Variants in CCDC141 observed in about 807,000 individuals in gnomAD.
CCDC141 encodes the protein coiled-coil domain containing 141, also known as coiled-coil domain-containing protein 141.
In CCDC141, 168 loss-of-function variants were observed where a neutral mutation model predicts 181.0. The observed-to-expected ratio is 0.93, with a 90% CI of 0.82 to 1.05. The LOEUF is 1.05. CCDC141 is among the 50% of genes least tolerant of loss of function. The probability of loss-of-function intolerance (pLI) is 0.00; values close to 1 mark genes in which losing one functional copy is unlikely to be tolerated. For synonymous variants in CCDC141, 666 were observed against 642.3 expected (o/e 1.04, Z -0.56); for missense variants, 1,902 against 1,788.5 (o/e 1.06, Z -1.14).
At chr2:178,840,822 T>C (rs1308392766) in intron 22 of CCDC141, among the ~76,000 whole-genome samples, 2 of 152,212 alleles carry the variant, frequency 1.3e-5, no homozygotes, top group Admixed American at 6.5e-5. Flanking sequence ...TTTTCACTTC[T>C]AACAATTCCT....
At chr2:178,891,547 C>T (rs1324624575) in intron 8 of CCDC141, among the ~76,000 whole-genome samples, 1 of 151,946 alleles carries the variant, frequency 6.6e-6, no homozygotes, top group Non-Finnish European at 1.5e-5. Context: ...GGCTGACAGG[C>T]TCCTTTGAAA....
chr2:178,855,503 G>A lies in CCDC141; in HGVS notation c.2904C>T (p.Thr968=), dbSNP rs774410520. ...KRKMEKVSNK[T]SDSFLNYPSD... The stretch of plus-strand genomic sequence containing the variant: ...TTGGATAATTTAAGAAAGAATCAGA[G>A]GTTTTATTACTAACTTTTTCCATTT... The change falls in exon 19 of 24, where the codon ACC becomes ACT. Residue 968 remains threonine, a synonymous_variant. Transcript: ENST00000443758. 1.3e-5 allele frequency: 21 copies of A among 1,598,284 alleles called. No individual in the cohort carries two copies. The highest frequency in any genetic ancestry group is 1.6e-5 in the Non-Finnish European group (19 of 1,174,734).
intron 2 of CCDC141, among the ~76,000 whole-genome samples, chr2:178,982,409 T>G (rs1243007938): frequency 6.6e-6 from 1 of 152,150 alleles, no homozygotes; most frequent in Non-Finnish European, 1.5e-5. Flanking sequence ...GGTGAAAGAC[T>G]TGTACATTGA....
At chr2:178,923,262 G>T (rs1312436040) in intron 6 of CCDC141, among the ~76,000 whole-genome samples, 1 of 151,350 alleles carries the variant, frequency 6.6e-6, no homozygotes, top group East Asian at 2.0e-4. Context: ...CCGCCACTAC[G>T]CCCGGCTAAT....
intron 7 of CCDC141, among the ~76,000 whole-genome samples, chr2:178,910,754 A>G (rs551267020): frequency 4.6e-5 from 7 of 152,368 alleles, no homozygotes; most frequent in Admixed American, 3.9e-4. Flanking sequence ...TGTCAAAGGC[A>G]GTTGCTGCTG....
chr2:178,904,896 A>T (rs1325480905), intron 8 of CCDC141, among the ~76,000 whole-genome samples: 2 of 152,170 alleles, frequency 1.3e-5, no homozygotes. Context: ...ATGGTGAGCC[A>T]CCAAGGTCAT....
Position 178,978,514 on chromosome 2 carries a change from C to A in CCDC141, c.387G>T (p.Leu129Phe). 6.6e-7 allele frequency: 1 copy of A among 1,508,528 alleles called. No individual in the cohort carries two copies. The highest frequency in any genetic ancestry group is 1.3e-5 in the South Asian group (1 of 77,848). 93.4% of individuals were successfully genotyped at this position (1,508,528 alleles called of 1,614,324 possible). Reference protein sequence around the residue: ...MLERRTELLRLTSEFFENALE... With the variant: ...MLERRTELLRFTSEFFENALE... ...AGGCATTTTCAAAAAATTCAGAAGT[C>A]AACCTAAGGAGCTCTGTTCTTCTTT... Residue 129 changes from leucine to phenylalanine, a missense_variant, in exon 3 of 24, where the codon TTG becomes TTT. Physicochemically the swap from Leu to Phe is conservative, Grantham distance 22. Transcript: ENST00000443758.
intron 2 of CCDC141, among the ~76,000 whole-genome samples, chr2:179,000,975 A>T (rs1269004298): frequency 6.6e-6 from 1 of 152,174 alleles, no homozygotes; most frequent in African/African-American, 2.4e-5. Context: ...GAAAGTACAC[A>T]ACAGATGCAT....
rs1458193932 is a variant in CCDC141 at position 178,868,046 on chromosome 2, T to C, written c.2554A>G (p.Ile852Val). ...CTTACAGGCCGCTGCACTGATGAGA[T>C]GATGTCGACTCCTAAGGAAAGGGCC... ...RLALSLGVDI[I>V]SSVQRPHCSN... Residue 852 changes from isoleucine to valine, a missense_variant, in exon 16 of 24, where the codon ATC becomes GTC. Ile to Val is a conservative substitution (Grantham distance 29). Transcript: ENST00000443758. 2.5e-6 allele frequency: 4 copies of C among 1,613,722 alleles called. No individual in the cohort carries two copies. In the South Asian group the frequency reaches 3.3e-5, roughly 13 times the overall value.
At chr2:178,824,309 A>G in the CCDC141 span, among the ~76,000 whole-genome samples, 1 of 152,300 alleles carries the variant, frequency 6.6e-6, no homozygotes, top group South Asian at 2.1e-4. Flanking sequence ...GAGTCAGAGC[A>G]CAGAGGAATG....
chr2:178,993,736 C>T (rs957815618), intron 2 of CCDC141, among the ~76,000 whole-genome samples: 1 of 152,166 alleles, frequency 6.6e-6, no homozygotes, highest in Non-Finnish European at 1.5e-5. Context: ...TCCCTTCTGC[C>T]TATGAGCCTG....
At chr2:178,957,246 T>A (rs1690201095) in intron 5 of CCDC141, among the ~76,000 whole-genome samples, 1 of 152,212 alleles carries the variant, frequency 6.6e-6, no homozygotes. Flanking sequence ...ATTAAGTACC[T>A]CTTAAAATGC....
chr2:178,934,095 C>G (rs995404248), intron 6 of CCDC141, among the ~76,000 whole-genome samples: 1 of 80,366 alleles, frequency 1.2e-5, no homozygotes, highest in Non-Finnish European at 2.6e-5. Flanking sequence ...ATGCAGACAT[C>G]AGTATTTTTT....
intron 2 of CCDC141, among the ~76,000 whole-genome samples, chr2:179,018,960 TA>T (rs1348511177): frequency 6.6e-6 from 1 of 152,142 alleles, no homozygotes; most frequent in Non-Finnish European, 1.5e-5. Flanking sequence ...AAGCAAATAT[TA>T]AAAAACAAAA....
At chr2:178,826,809 A>T (rs1253014806), downstream of CCDC141, among the ~76,000 whole-genome samples, 1 of 152,026 alleles carries the variant, frequency 6.6e-6, no homozygotes, top group Non-Finnish European at 1.5e-5. Flanking sequence ...TCAGAGAACA[A>T]GCTTTTGGTC....
At chr2:178,968,424 T>C (rs995588060) in intron 4 of CCDC141, among the ~76,000 whole-genome samples, 11 of 152,110 alleles carry the variant, frequency 7.2e-5, no homozygotes, top group Non-Finnish European at 1.6e-4. Context: ...GAATTCAGGA[T>C]TAAGAAACTC....
At chr2:178,928,327 G>A (rs973278392) in intron 6 of CCDC141, among the ~76,000 whole-genome samples, 1 of 152,198 alleles carries the variant, frequency 6.6e-6, no homozygotes, top group African/African-American at 2.4e-5. Context: ...CAAGGACAGC[G>A]AAGGCTAGGG....
chr2:179,024,538 T>G (rs990436027), intron 2 of CCDC141, among the ~76,000 whole-genome samples: 3 of 152,150 alleles, frequency 2.0e-5, no homozygotes, highest in African/African-American at 7.2e-5. Flanking sequence ...ATGAAACACA[T>G]ACTACAGTAG....
At chr2:179,026,403 G>T (rs1204261750) in intron 2 of CCDC141, among the ~76,000 whole-genome samples, 1 of 152,158 alleles carries the variant, frequency 6.6e-6, no homozygotes, top group Non-Finnish European at 1.5e-5. Flanking sequence ...CTCAAGCCCT[G>T]GCATCTTCCA....
Sources: gnomAD v4.1 joint callset for allele counts (sites outside exome capture counted in the v4.1 genomes callset) on GRCh38, gnomAD v4.1.1 for gene constraint, MANE v1.5 for transcripts, NCBI Gene and HGNC (gene_info 2026-07-23, HGNC 2026-07-21) for gene names.